The following DCC variants were observed in gnomAD, a reference collection of about 807,000 sequenced individuals.
The protein encoded by DCC is DCC netrin 1 receptor.
A neutral mutation model predicts 172.5 loss-of-function variants in DCC; 58 were observed. The ratio of observed to expected loss-of-function variants is 0.34; its 90% CI spans 0.27 to 0.42. DCC has a LOEUF of 0.42. DCC is among the 10% of genes least tolerant of loss of function. DCC has a pLI of 1.00. For missense variants in DCC, 1,740 were observed against 1,791.0 expected, an observed-to-expected ratio of 0.97 and a Z score of 0.51; for synonymous variants, 709 against 644.5, an observed-to-expected ratio of 1.10 and a Z score of -1.52.
intron 2 of DCC, among the ~76,000 whole-genome samples, chr18:52,814,460 AAG>A (rs1278579259): frequency 6.6e-6 from 1 of 152,182 alleles, no homozygotes; most frequent in Non-Finnish European, 1.5e-5. Context: ...AGGCAACGCA[AAG>A]AGAGCACCAG....
intron 7 of DCC, among the ~76,000 whole-genome samples, chr18:53,136,504 C>A (rs748440030): frequency 1.3e-5 from 2 of 151,806 alleles, no homozygotes; most frequent in Non-Finnish European, 2.9e-5. Context: ...GGGAAAGAAG[C>A]CAGATACACC....
chr18:52,717,094 C>T (rs578144601), intron 1 of DCC, among the ~76,000 whole-genome samples: 11 of 152,220 alleles, frequency 7.2e-5, no homozygotes, highest in South Asian at 6.2e-4. Context: ...GAGAACTGAC[C>T]GCAAGAGGGC....
At chr18:52,774,590 G>A (rs1201233010) in intron 2 of DCC, among the ~76,000 whole-genome samples, 2 of 152,234 alleles carry the variant, frequency 1.3e-5, no homozygotes, top group African/African-American at 2.4e-5. Flanking sequence ...CTGTTGAAAT[G>A]GCAAAGGTTC....
At chr18:53,275,150 A>G (rs1337782832) in intron 12 of DCC, among the ~76,000 whole-genome samples, 1 of 152,162 alleles carries the variant, frequency 6.6e-6, no homozygotes, top group Non-Finnish European at 1.5e-5. Context: ...GAAGAGTGGA[A>G]TTCGTTAAGA....
At chr18:52,817,795 A>G (rs963830449) in intron 2 of DCC, among the ~76,000 whole-genome samples, 2 of 149,468 alleles carry the variant, frequency 1.3e-5, no homozygotes, top group South Asian at 2.2e-4. Flanking sequence ...AAATGTTTAT[A>G]TATATATATG....
chr18:53,260,950 G>A (rs1425070593), intron 12 of DCC, among the ~76,000 whole-genome samples: 1 of 152,124 alleles, frequency 6.6e-6, no homozygotes, highest in East Asian at 1.9e-4. Flanking sequence ...TTTGATATCA[G>A]ACTGCTGTGC....
Position 52,926,920 on chromosome 18 carries a change from T to TATATACACAC in DCC, c.985+1555_985+1556insCACACATATA, listed in dbSNP as rs1165385203. Among the ~76,000 whole-genome samples, 538 of 107,956 alleles carry TATATACACAC rather than the reference T, an allele frequency of 5.0e-3. 8 individuals carry two copies. The highest frequency in any genetic ancestry group is 6.8e-3 in the Non-Finnish European group (310 of 45,780). 70.8% of individuals were successfully genotyped at this position (107,956 alleles called of 152,430 possible). A position where few individuals can be genotyped will look rare whatever the true frequency, so the allele number is the denominator to read the frequency against. On this transcript the variant is annotated intron_variant, in intron 5 of 28. Coordinates refer to ENST00000442544, the MANE Select transcript of DCC (RefSeq NM_005215.4). ...ATATGTGTGTATATATACGTATACA[T>TATATACACAC]ATATATGTATATATAAACGTATATG...
intron 5 of DCC, among the ~76,000 whole-genome samples, chr18:52,936,908 A>T (rs12458638): frequency 1.3e-5 from 2 of 151,980 alleles, no homozygotes; most frequent in Non-Finnish European, 2.9e-5. Context: ...TTCTTCATAC[A>T]CTTTTAAATA....
rs921411689 is a variant in DCC at position 53,189,869 on chromosome 18, T to G, written c.1573+10753T>G. ...TGGATTTCTACTGTTTGACCTTCAG[T>G]TGATAAAAACCCCTGGTTTTCTTCC... On this transcript the variant is annotated intron_variant, in intron 9 of 28. Coordinates refer to ENST00000442544, the MANE Select transcript of DCC (RefSeq NM_005215.4). Among the ~76,000 whole-genome samples the G allele has an allele frequency of 3.3e-5, 5 of 152,238 alleles. No homozygotes were observed. The South Asian group carries it at 1.0e-3, about 31-fold the overall frequency.
chr18:52,925,147 C>A, intron 4 of DCC, 87 bp from the exon 5 acceptor site: 3 of 1,323,506 alleles, frequency 2.3e-6, no homozygotes, highest in South Asian at 2.4e-5. Context: ...TTAATTTGAG[C>A]TTTGGTGGAG....
At chr18:53,128,850 CACACACACACACACACACACAT>C (rs1447710800) in intron 7 of DCC, among the ~76,000 whole-genome samples, 1 of 68,666 alleles carries the variant, frequency 1.5e-5, no homozygotes, top group Non-Finnish European at 2.8e-5. Flanking sequence ...CACACACACA[CACACACACACACACACACACAT>C]ATATATATAT....
intron 2 of DCC, among the ~76,000 whole-genome samples, chr18:52,756,418 C>T (rs2037077012): frequency 6.6e-6 from 1 of 152,194 alleles, no homozygotes; most frequent in African/African-American, 2.4e-5. Context: ...ACCTCTCCTT[C>T]TTTGTCTCCC....
chr18:53,373,514 A>C (rs1032704169), intron 15 of DCC, among the ~76,000 whole-genome samples: 8 of 152,138 alleles, frequency 5.3e-5, no homozygotes, highest in Admixed American at 2.6e-4. Flanking sequence ...ACGACTCATT[A>C]TTGTAGTTAT....
At chr18:52,462,451 C>T (rs951028367) in intron 1 of DCC, among the ~76,000 whole-genome samples, 2 of 152,128 alleles carry the variant, frequency 1.3e-5, no homozygotes, top group Non-Finnish European at 2.9e-5. Flanking sequence ...CACACTGCCT[C>T]GTGTCAGCCT....
intron 5 of DCC, among the ~76,000 whole-genome samples, chr18:53,009,659 A>G (rs186082980): frequency 3.3e-5 from 5 of 152,008 alleles, no homozygotes; most frequent in African/African-American, 7.2e-5. Flanking sequence ...TCTGTTCTTC[A>G]TATATGTTAG....
intron 12 of DCC, among the ~76,000 whole-genome samples, chr18:53,285,108 T>C (rs946611435): frequency 1.3e-5 from 2 of 151,860 alleles, no homozygotes; most frequent in South Asian, 4.1e-4. Context: ...GACAATTTGA[T>C]GGAAAAAAAA....
intron 1 of DCC, among the ~76,000 whole-genome samples, chr18:52,740,946 A>G (rs1452347695): frequency 6.6e-6 from 1 of 152,196 alleles, no homozygotes; most frequent in Non-Finnish European, 1.5e-5. Flanking sequence ...CTTTTATAAT[A>G]TTAGAGCTGA....
chr18:53,353,106 C>A (rs1368586574), intron 15 of DCC, among the ~76,000 whole-genome samples: 1 of 151,820 alleles, frequency 6.6e-6, no homozygotes, highest in African/African-American at 2.4e-5. Context: ...GGAGAAATCT[C>A]GTTTCTACTA....
At chr18:53,010,676 A>G (rs1245205169) in intron 5 of DCC, among the ~76,000 whole-genome samples, 1 of 150,738 alleles carries the variant, frequency 6.6e-6, no homozygotes, top group African/African-American at 2.4e-5. Context: ...GTAATACTAT[A>G]TTTAGGTACA....
Sources: gnomAD v4.1 joint callset for allele counts (sites outside exome capture counted in the v4.1 genomes callset) on GRCh38, gnomAD v4.1.1 for gene constraint, MANE v1.5 for transcripts, NCBI Gene and HGNC (gene_info 2026-07-23, HGNC 2026-07-21) for gene names.